The following MACF1 variants were observed in gnomAD, a reference collection of about 807,000 sequenced individuals.
MACF1 encodes microtubule actin crosslinking factor 1.
Under a neutral mutation model 854.8 loss-of-function variants are expected in MACF1, and 193 were observed. That is an observed-to-expected ratio of 0.23 (90% confidence interval 0.20 to 0.25). MACF1 has a LOEUF of 0.25. Ranked by LOEUF, MACF1 falls within the 10% of genes least tolerant of loss-of-function variation. MACF1 has a pLI of 1.00. For synonymous variants in MACF1, 3,185 were observed against 3,226.7 expected, an observed-to-expected ratio of 0.99 and a Z score of 0.44; for missense variants, 7,722 against 8,929.1, an observed-to-expected ratio of 0.86 and a Z score of 5.45.
At chr1:39,273,759 T>A (rs1645375534) in intron 6 of MACF1, among the ~76,000 whole-genome samples, 1 of 152,050 alleles carries the variant, frequency 6.6e-6, no homozygotes, top group Non-Finnish European at 1.5e-5. Context: ...CCCGGCTAAT[T>A]TTTTGTATTT....
At chr1:39,405,109 G>A (rs1473931691) in intron 58 of MACF1, among the ~76,000 whole-genome samples, 2 of 152,098 alleles carry the variant, frequency 1.3e-5, no homozygotes, top group Non-Finnish European at 2.9e-5. Context: ...TTTTCTCATG[G>A]GTTCACGAGT....
At chr1:39,321,175 C>T (rs533139980) in intron 31 of MACF1, among the ~76,000 whole-genome samples, 14 of 152,268 alleles carry the variant, frequency 9.2e-5, no homozygotes, top group African/African-American at 3.4e-4. Context: ...AATAACAGAA[C>T]ACTCACTGTA....
At chr1:39,142,310 G>T (rs1488583826) in intron 2 of MACF1, among the ~76,000 whole-genome samples, 2 of 152,080 alleles carry the variant, frequency 1.3e-5, no homozygotes, top group African/African-American at 4.8e-5. Flanking sequence ...CCTATATTTA[G>T]TGAACTAACC....
chr1:39,134,042 T>TTA (rs1643092376), intron 2 of MACF1, among the ~76,000 whole-genome samples: 3 of 136,164 alleles, frequency 2.2e-5, no homozygotes, highest in Middle Eastern at 3.6e-3. Flanking sequence ...GTCTTTTTTT[T>TTA]TTTTTTTTTT....
chr1:39,409,541 C>G lies in MACF1; in HGVS notation c.15817-12833C>G, dbSNP rs34669207. On this transcript the variant is annotated intron_variant, in intron 58 of 100. Coordinates refer to ENST00000564288, the MANE Select transcript of MACF1 (RefSeq NM_001394062.1). This position sits in a 1 kb window ranked among gnomAD's most constrained non-coding sequence, Gnocchi z 4.2. Reference sequence around the variant, plus strand: ...CTGCCCGCCCGCCCGCCTGCCTTTCCGAAGGCCTGGCGCGGGGCTCCGCTC... The same window carrying G: ...CTGCCCGCCCGCCCGCCTGCCTTTCGGAAGGCCTGGCGCGGGGCTCCGCTC... The G allele has an allele frequency of 6.6e-6, 1 of 152,344 alleles. No homozygotes were observed. Among genetic ancestry groups the G allele is most frequent in the South Asian group, 2.1e-4 (1 of 4,862 alleles). The allele number at this position is 152,344 out of a possible 1,614,324, so 9.4% of individuals were successfully genotyped here.
At position 39,442,508 on chromosome 1, in the gene MACF1, G is replaced by A; in HGVS notation, c.19045G>A (p.Ala6349Thr). Residue 6349 changes from alanine to threonine, a missense_variant, in exon 77 of 101, where the codon GCT (alanine) becomes ACT (threonine). Ala to Thr is a moderately conservative substitution (Grantham distance 58). Around this residue, in one of 15 missense-constraint regions of MACF1, gnomAD observed 2,807 missense variants for 3,235.8 expected, o/e 0.87. Transcript: ENST00000564288. ...WLTHTEELLD[A>T]QRPISGDPKV... ...GACTCATACCGAAGAGTTGTTAGATGCTCAGAGACCAATAAGTGGAGACCC... is the reference window on the plus strand; with the variant it reads ...GACTCATACCGAAGAGTTGTTAGATACTCAGAGACCAATAAGTGGAGACCC... 3 of 1,614,216 alleles carry A rather than the reference G, an allele frequency of 1.9e-6. No homozygotes were observed. The highest frequency in any genetic ancestry group is 8.5e-7 in the Non-Finnish European group (1 of 1,180,042).
Position 39,452,759 on chromosome 1 carries a change from G to A in MACF1, c.20689G>A (p.Gly6897Arg). The A allele has an allele frequency of 6.2e-7, 1 of 1,614,064 alleles. No homozygotes were observed. Among genetic ancestry groups the A allele is most frequent in the Admixed American group, 1.7e-5 (1 of 60,012 alleles). ...SEAEQTLRFR[G>R]ALPDDTEALQ... Reference sequence around the variant, plus strand: ...AGCAGAGCAAACGCTTCGCTTTCGGGGAGCACTTCCTGATGACACAGAGGC... The same window carrying A: ...AGCAGAGCAAACGCTTCGCTTTCGGAGAGCACTTCCTGATGACACAGAGGC... The change falls in exon 87 of 101, where the codon GGA becomes AGA. Residue 6897 changes from glycine (G) to arginine (R), a missense_variant. Coordinates refer to ENST00000564288, the MANE Select transcript of MACF1 (RefSeq NM_001394062.1).
In MACF1 at chr1:39,335,491, A is replaced by G. The variant is rs752812111; in HGVS notation, c.8903A>G (p.Asn2968Ser). 2 of 1,614,072 alleles carry G rather than the reference A, an allele frequency of 1.2e-6. No individual in the cohort carries two copies. The highest frequency in any genetic ancestry group is 1.7e-6 in the Non-Finnish European group (2 of 1,180,030). ...GAGCAGGTTTTGCAGCAACCAATGA[A>G]TGCTCGGGTGAAAAGTAAGAGAGAG... ...PSEQVLQQPM[N>S]ARVKSKREKR... The change falls in exon 37 of 101, where the codon AAT (asparagine) becomes AGT (serine). Residue 2968 changes from asparagine to serine, a missense_variant. Asn to Ser is a conservative substitution (Grantham distance 46, BLOSUM62 1). Around this residue, in one of 15 missense-constraint regions of MACF1, gnomAD observed 854 missense variants for 852.6 expected, o/e 1.00. Coordinates refer to ENST00000564288, the MANE Select transcript of MACF1 (RefSeq NM_001394062.1).
chr1:39,347,362 C>G, intron 41 of MACF1, 152 bp downstream of exon 41: 1 of 669,964 alleles, frequency 1.5e-6, no homozygotes, highest in Non-Finnish European at 2.6e-6. Context: ...GGTTCTAGTC[C>G]AGGAGGCACT....
At chr1:39,129,853 A>G (rs1014832144) in intron 2 of MACF1, among the ~76,000 whole-genome samples, 3 of 152,204 alleles carry the variant, frequency 2.0e-5, no homozygotes, top group Non-Finnish European at 4.4e-5. Context: ...TTAGCTGTCC[A>G]GACTTTGACT....
chr1:39,095,874 C>CA (rs367925397), intron 2 of MACF1, among the ~76,000 whole-genome samples: 224 of 140,080 alleles, frequency 1.6e-3, no homozygotes, highest in Middle Eastern at 3.9e-3. Flanking sequence ...ATGGCTGTCT[C>CA]AAAAAAAAAA....
intron 2 of MACF1, chr1:39,103,111 A>C (rs1642134784): frequency 3.7e-6 from 2 of 534,696 alleles, no homozygotes; most frequent in Non-Finnish European, 6.8e-6. Flanking sequence ...CACAACCTAA[A>C]GCAGAAGTTT....
chr1:39,285,395 G>A lies in MACF1; in HGVS notation c.1353+5G>A. 6.2e-7 allele frequency: 1 copy of A among 1,613,390 alleles called. No homozygotes were observed. ...GCTAAGAATACACTGCAGGCTGTAA[G>A]TCTCTGACTGTTTTGTCCAACATCT... is the stretch of plus-strand genomic sequence containing the variant. On this transcript the variant is annotated splice_donor_5th_base_variant and intron_variant, in intron 13 of 100. Transcript: ENST00000564288.
At chr1:39,474,190 C>A (rs888840938) in intron 97 of MACF1, among the ~76,000 whole-genome samples, 2 of 152,222 alleles carry the variant, frequency 1.3e-5, no homozygotes, top group Non-Finnish European at 2.9e-5. Context: ...AGTTCAAGAC[C>A]AGCCGGGCCA....
chr1:39,393,859 GAGAGAGAAAGAA>G (rs1286638944), intron 58 of MACF1, among the ~76,000 whole-genome samples: 11 of 145,932 alleles, frequency 7.5e-5, no homozygotes, highest in South Asian at 4.3e-4. Flanking sequence ...GAGAGAGAGA[GAGAGAGAAAGAA>G]AGAGAGAAAG....
At chr1:39,479,708 CTG>C (rs1644980076) in intron 97 of MACF1, 88 bp from the exon 98 acceptor site, 2 of 1,072,120 alleles carry the variant, frequency 1.9e-6, no homozygotes, top group Non-Finnish European at 2.8e-6. Flanking sequence ...ACTTATATAA[CTG>C]TTATCATGGG....
rs1646633337 is a variant in MACF1, at chr1:39,327,253, A to G, written c.4514A>G (p.Gln1505Arg). 1 of 1,594,942 alleles carries G rather than the reference A, an allele frequency of 6.3e-7. No individual in the cohort carries two copies. The highest frequency in any genetic ancestry group is 1.3e-5 in the African/African-American group (1 of 74,850). The change falls in exon 36 of 101, where the codon CAA (glutamine) becomes CGA (arginine). Residue 1505 changes from glutamine to arginine, a missense_variant. Coordinates refer to ENST00000564288, the MANE Select transcript of MACF1 (RefSeq NM_001394062.1). ...SEKEKKQISE[Q>R]LNALNKAYHD... is the part of the protein sequence containing the mutation. Reference sequence around the variant, plus strand: ...AAAGAGAAGAAACAAATATCTGAGCAATTGAATGCCCTAAACAAGGCTTAC... The same window carrying G: ...AAAGAGAAGAAACAAATATCTGAGCGATTGAATGCCCTAAACAAGGCTTAC...
chr1:39,154,091 T>G (rs1278830422), intron 2 of MACF1: 1 of 152,196 alleles, frequency 6.6e-6, no homozygotes, highest in Non-Finnish European at 1.5e-5. Context: ...AGTTACCTTT[T>G]CTGTTCTTAA....
chr1:39,286,066 T>C (rs1434734552), intron 14 of MACF1, among the ~76,000 whole-genome samples: 1 of 152,192 alleles, frequency 6.6e-6, no homozygotes, highest in Non-Finnish European at 1.5e-5. Flanking sequence ...CAGGCTGGAG[T>C]GCAGTGGCAC....
Sources: allele counts gnomAD v4.1 joint callset (sites outside exome capture counted in the v4.1 genomes callset), GRCh38; gene constraint gnomAD v4.1.1; regional missense constraint gnomAD v4.1.1; non-coding constraint Gnocchi (gnomAD v3.1); transcripts MANE v1.5; gene names NCBI Gene and HGNC (gene_info 2026-07-23, HGNC 2026-07-21).